APAF1: variants seen among roughly 807,000 people sequenced by gnomAD.
APAF1 encodes the protein apoptotic peptidase activating factor 1, also known as apoptotic protease-activating factor 1.
Under a neutral mutation model 152.4 loss-of-function variants are expected in APAF1, and 91 were observed. That is an observed-to-expected ratio of 0.60 (90% CI 0.50 to 0.71). APAF1 has a LOEUF of 0.71. Among genes scored for constraint, APAF1 ranks in the 30% least tolerant of loss-of-function variants. The pLI is 0.00. For synonymous variants in APAF1, 484 were observed against 494.1 expected, an observed-to-expected ratio of 0.98 and a Z score of 0.27; for missense variants, 1,283 against 1,472.0, an observed-to-expected ratio of 0.87 and a Z score of 2.10.
chr12:98,668,118 CTGT>C (rs1331729753), intron 10 of APAF1, among the ~76,000 whole-genome samples: 3 of 152,130 alleles, frequency 2.0e-5, no homozygotes, highest in African/African-American at 4.8e-5. Context: ...AAATTTACCA[CTGT>C]TGTTGTCGTC....
In APAF1 at chr12:98,677,345, A is replaced by G. The variant is rs1278923157; in HGVS notation, c.1794-80A>G. 2.8e-6 allele frequency: 4 copies of G among 1,430,580 alleles called. No individual in the cohort carries two copies. In the Admixed American group the frequency reaches 5.3e-5, roughly 19 times the overall value. 88.6% of individuals were successfully genotyped at this position (1,430,580 alleles called of 1,614,324 possible). On this transcript the variant is annotated intron_variant, in intron 12 of 26. Coordinates refer to ENST00000551964, the MANE Select transcript of APAF1 (RefSeq NM_181861.2). ...GGGGAACATAACCATGTTAAAAGAC[A>G]GTTTATTTTAGTACTGAAAGAAAAT... is the stretch of plus-strand genomic sequence containing the variant.
intron 16 of APAF1, among the ~76,000 whole-genome samples, chr12:98,691,515 C>G (rs1259120442): frequency 6.6e-6 from 1 of 152,144 alleles, no homozygotes; most frequent in Admixed American, 6.5e-5. Context: ...ACTACCTACT[C>G]CCTGCTTAAC....
At chr12:98,659,776 A>G (rs987937305) in intron 5 of APAF1, among the ~76,000 whole-genome samples, 5 of 136,990 alleles carry the variant, frequency 3.6e-5, no homozygotes, top group Admixed American at 7.2e-5. Context: ...AAAAAAAGAG[A>G]GAGAAAGAAA....
At chr12:98,650,018 G>C (rs1351933128) in intron 4 of APAF1, among the ~76,000 whole-genome samples, 1 of 152,056 alleles carries the variant, frequency 6.6e-6, no homozygotes, top group East Asian at 1.9e-4. Flanking sequence ...AATGTTGGCA[G>C]GTATACCACT....
At chr12:98,711,392 T>G (rs1247324761) in intron 20 of APAF1, among the ~76,000 whole-genome samples, 1 of 152,196 alleles carries the variant, frequency 6.6e-6, no homozygotes, top group Non-Finnish European at 1.5e-5. Context: ...ATAAAACATT[T>G]TTTAGTTACT....
At chr12:98,706,859 T>G (rs956756162) in intron 19 of APAF1, among the ~76,000 whole-genome samples, 1 of 152,232 alleles carries the variant, frequency 6.6e-6, no homozygotes, top group African/African-American at 2.4e-5. Context: ...TTGGTTAATT[T>G]AAAATACTGC....
intron 4 of APAF1, among the ~76,000 whole-genome samples, chr12:98,650,407 A>T (rs991224145): frequency 6.6e-6 from 1 of 151,840 alleles, no homozygotes; most frequent in African/African-American, 2.4e-5. Context: ...AATCACTTGA[A>T]CCTAGGAGGC....
At chr12:98,696,571 T>G (rs559147388) in intron 16 of APAF1, among the ~76,000 whole-genome samples, 1 of 152,330 alleles carries the variant, frequency 6.6e-6, no homozygotes, top group East Asian at 1.9e-4. Context: ...CTGTATGTGT[T>G]CTCTGCATCT....
chr12:98,653,393 G>A (rs561590804), intron 4 of APAF1, among the ~76,000 whole-genome samples: 5 of 151,084 alleles, frequency 3.3e-5, no homozygotes, highest in Non-Finnish European at 4.4e-5. Context: ...GTGGTGGCTC[G>A]TGCCTGTAAT....
intron 16 of APAF1, among the ~76,000 whole-genome samples, chr12:98,696,512 A>C (rs2097710074): frequency 1.3e-5 from 2 of 152,280 alleles, no homozygotes; most frequent in Admixed American, 1.3e-4. Context: ...TCCAATTTCA[A>C]CACGAGTTTG....
chr12:98,717,439 G>A (rs944341578), intron 22 of APAF1, among the ~76,000 whole-genome samples: 7 of 150,910 alleles, frequency 4.6e-5, no homozygotes. Flanking sequence ...GCAATGGTGC[G>A]ACCTTGGCTT....
intron 16 of APAF1, among the ~76,000 whole-genome samples, chr12:98,697,328 G>GTAA (rs2097711037): frequency 6.6e-6 from 1 of 152,106 alleles, no homozygotes; most frequent in Admixed American, 6.6e-5. Flanking sequence ...GACATATTTT[G>GTAA]TGTTTAAGTT....
chr12:98,673,957 AT>A (rs369045067), intron 12 of APAF1, among the ~76,000 whole-genome samples: 246 of 151,004 alleles, frequency 1.6e-3, no homozygotes, highest in African/African-American at 5.2e-3. Context: ...GAGAATTAAA[AT>A]TTTTTTTTTA....
chr12:98,665,607 G>A lies in APAF1; in HGVS notation c.1010G>A (p.Arg337His), dbSNP rs1006261171. ...GCACTTTTACGTGATTTTCCCAATCGCTGGGAGTACTACCTCAAACAGCTT... is the reference window on the plus strand; with the variant it reads ...GCACTTTTACGTGATTTTCCCAATCACTGGGAGTACTACCTCAAACAGCTT... Reference protein sequence around the residue: ...IGALLRDFPNRWEYYLKQLQN... With the variant: ...IGALLRDFPNHWEYYLKQLQN... The change falls in exon 8 of 27, where the codon CGC becomes CAC. Residue 337 changes from arginine (R) to histidine (H), a missense_variant. Physicochemically the swap from Arg to His is conservative, Grantham distance 29. Coordinates refer to ENST00000551964, the MANE Select transcript of APAF1 (RefSeq NM_181861.2). 1 of 1,613,462 alleles carries A rather than the reference G, an allele frequency of 6.2e-7. No individual in the cohort carries two copies. Among genetic ancestry groups the A allele is most frequent in the Non-Finnish European group, 8.5e-7 (1 of 1,179,894 alleles).
intron 16 of APAF1, among the ~76,000 whole-genome samples, chr12:98,692,361 G>A (rs892778055): frequency 6.6e-6 from 1 of 152,134 alleles, no homozygotes; most frequent in Non-Finnish European, 1.5e-5. Flanking sequence ...GGGATTACAG[G>A]CGTGAGCCAC....
chr12:98,690,201 G>A lies in APAF1; in HGVS notation c.2304+3328G>A, dbSNP rs35957629. Among the ~76,000 whole-genome samples the A allele has an allele frequency of 6.1e-4, 93 of 152,270 alleles. 1 individual carries two copies. Among genetic ancestry groups the A allele is most frequent in the African/African-American group, 1.7e-3 (71 of 41,550 alleles). ...GAATCTTTGATCTTGCTTTGCTGAC[G>A]GAAGATAACTGTTTTTGTATAAATT... On this transcript the variant is annotated intron_variant, in intron 16 of 26. Coordinates refer to ENST00000551964, the MANE Select transcript of APAF1 (RefSeq NM_181861.2).
At chr12:98,707,692 C>CTATATATATATATATATA (rs10668292) in intron 19 of APAF1, among the ~76,000 whole-genome samples, 2,552 of 139,144 alleles carry the variant, frequency 0.018, 62 homozygotes, top group East Asian at 0.1. Flanking sequence ...ATGCAAAGTA[C>CTATATATATATATATATA]TATATATATA....
chr12:98,723,395 A>C (rs927053106), intron 23 of APAF1, 83 bp downstream of exon 23: 37 of 1,456,434 alleles, frequency 2.5e-5, no homozygotes, highest in Non-Finnish European at 3.3e-5. Flanking sequence ...AGCCACTGTG[A>C]GGCTAATTAC....
At chr12:98,697,311 G>A (rs1261168686) in intron 16 of APAF1, among the ~76,000 whole-genome samples, 3 of 152,052 alleles carry the variant, frequency 2.0e-5, no homozygotes, top group Admixed American at 6.5e-5. Context: ...CCTTTCAAAT[G>A]ACACCTGACA....
Sources: allele counts gnomAD v4.1 joint callset (sites outside exome capture counted in the v4.1 genomes callset), GRCh38; gene constraint gnomAD v4.1.1; transcripts MANE v1.5; gene names NCBI Gene and HGNC (gene_info 2026-07-23, HGNC 2026-07-21).